ZNF726: variants seen among roughly 807,000 people sequenced by gnomAD.
ZNF726 encodes zinc finger protein 92 pseudogene 3.
In ZNF726, 15 loss-of-function variants were observed where a neutral mutation model predicts 11.6. That is an observed-to-expected ratio of 1.29 (90% CI 0.86 to 1.99). The LOEUF is 1.99. Among genes scored for constraint, ZNF726 ranks in the 30% most tolerant of loss-of-function variants. The pLI is 0.00. For missense variants in ZNF726, 890 were observed against 725.6 expected, an observed-to-expected ratio of 1.23 and a Z score of -2.60; for synonymous variants, 295 against 243.6, an observed-to-expected ratio of 1.21 and a Z score of -1.96.
chr19:23,938,600 T>C (rs1179781374), downstream of ZNF726, among the ~76,000 whole-genome samples: 4 of 147,214 alleles, frequency 2.7e-5, no homozygotes, highest in African/African-American at 1.0e-4. Context: ...TTTTTTTTTC[T>C]TTTTTTTTTC....
chr19:23,921,700 A>G (rs777565324), intron 3 of ZNF726, among the ~76,000 whole-genome samples: 4 of 152,146 alleles, frequency 2.6e-5, no homozygotes, highest in Non-Finnish European at 5.9e-5. Context: ...GTATGGAATG[A>G]TAACTTATAA....
rs1191205599 is a variant in ZNF726, at chr19:23,933,919, A to G, written c.1803A>G (p.Ser601=). The G allele has an allele frequency of 6.3e-7, 1 of 1,585,928 alleles. No homozygotes were observed. The highest frequency in any genetic ancestry group is 8.6e-7 in the Non-Finnish European group (1 of 1,165,820). ...KPYKCDECGK[S]FIWSSTLFKH... is the part of the protein sequence containing the mutation. ...ACAAGTGTGACGAATGTGGCAAATC[A>G]TTTATCTGGTCCTCAACCCTTTTTA... The change falls in exon 4 of 4, where the codon TCA becomes TCG. Residue 601 remains serine, a synonymous_variant. Coordinates refer to ENST00000594466, the MANE Select transcript of ZNF726 (RefSeq NM_001244038.2).
At chr19:23,923,409 A>ATTTTTTT in intron 3 of ZNF726, 4 of 334,378 alleles carry the variant, frequency 1.2e-5, no homozygotes, top group South Asian at 4.4e-5. Context: ...GATGCCAGTA[A>ATTTTTTT]TTTTTTTTTT....
At chr19:23,915,060 C>T (rs1234187046) in intron 1 of ZNF726, 63 bp downstream of exon 1, 5 of 1,611,862 alleles carry the variant, frequency 3.1e-6, no homozygotes, top group South Asian at 1.1e-5. Flanking sequence ...CGGTGGGAAG[C>T]GGCAGTGGCG....
At chr19:23,944,579 C>T (rs1206220691) in intron 4 of ZNF726, 1 of 154,356 alleles carries the variant, frequency 6.5e-6, no homozygotes, top group East Asian at 1.9e-4. Context: ...CATTTTGGCA[C>T]ATAGTTTGCA....
intron 3 of ZNF726, among the ~76,000 whole-genome samples, chr19:23,931,912 G>A (rs907460392): frequency 6.6e-6 from 1 of 152,098 alleles, no homozygotes; most frequent in Non-Finnish European, 1.5e-5. Context: ...TGTCATGAGA[G>A]ACAGAAAACA....
chr19:23,916,027 CT>C (rs538161411), intron 1 of ZNF726, among the ~76,000 whole-genome samples: 11 of 151,280 alleles, frequency 7.3e-5, no homozygotes, highest in Middle Eastern at 3.2e-3. Flanking sequence ...TGAGTTTAGA[CT>C]TTTTTTTTAG....
At chr19:23,941,660 G>T (rs1002386175) in intron 3 of ZNF726, among the ~76,000 whole-genome samples, 2 of 151,878 alleles carry the variant, frequency 1.3e-5, no homozygotes, top group African/African-American at 2.4e-5. Context: ...TTTTTTATTG[G>T]TCTGTTCAGG....
chr19:23,925,554 A>G (rs1310284731), intron 3 of ZNF726, among the ~76,000 whole-genome samples: 1 of 152,086 alleles, frequency 6.6e-6, no homozygotes, highest in Non-Finnish European at 1.5e-5. Flanking sequence ...GATAGTGGCC[A>G]TTTAAATGAG....
chr19:23,933,733 T>C lies in ZNF726; in HGVS notation c.1617T>C (p.Cys539=). 6.2e-7 allele frequency: 1 copy of C among 1,612,276 alleles called. No individual in the cohort carries two copies. The change falls in exon 4 of 4, where the codon TGT becomes TGC. Residue 539 remains cysteine, a synonymous_variant. Coordinates refer to ENST00000594466, the MANE Select transcript of ZNF726 (RefSeq NM_001244038.2). ...ACACTGGAGAGAAACCCTACAAATG[T>C]GAAGAATGTGGCAAAACTTTTAATC... ...RIHTGEKPYK[C]EECGKTFNQS...
rs534383671 is a variant in ZNF726, at chr19:23,919,513, T to C, written c.130+14T>C. 51 of 1,567,666 alleles carry C rather than the reference T, an allele frequency of 3.3e-5. 1 individual carries two copies. The South Asian group carries it at 6.0e-4, about 18-fold the overall frequency. On this transcript the variant is annotated intron_variant, in intron 2 of 3. Transcript: ENST00000594466. ...TGGCCTTCCTGGGTGAGGATAACTT[T>C]AATACAAAATTTTTAATATAAACTA...
chr19:23,937,277 G>A (rs998831082), downstream of ZNF726, among the ~76,000 whole-genome samples: 23 of 151,028 alleles, frequency 1.5e-4, no homozygotes, highest in South Asian at 3.1e-3. Flanking sequence ...CTGGCCGGGC[G>A]GGGGGCTGAC....
chr19:23,942,649 G>A (rs1490117144), intron 3 of ZNF726, among the ~76,000 whole-genome samples: 2 of 152,094 alleles, frequency 1.3e-5, no homozygotes, highest in Non-Finnish European at 2.9e-5. Context: ...TCCAGTGTTA[G>A]GTGCATATAT....
intron 3 of ZNF726, among the ~76,000 whole-genome samples, chr19:23,922,827 G>C (rs982411210): frequency 6.6e-6 from 1 of 152,084 alleles, no homozygotes; most frequent in African/African-American, 2.4e-5. Flanking sequence ...TTCATTACAG[G>C]TGTGAACCAT....
At position 23,914,906 on chromosome 19, in the gene ZNF726, C is replaced by T. The variant is rs1967657017; in HGVS notation, c.-89C>T. On this transcript the variant is annotated 5_prime_UTR_variant, in exon 1 of 4. Coordinates refer to ENST00000594466, the MANE Select transcript of ZNF726 (RefSeq NM_001244038.2). ...CCTTTGTCTCTATCTGCGGCCGGAG[C>T]TCCAGGTCTCGTCCTCACTACTCTG... 1.9e-6 allele frequency: 3 copies of T among 1,583,270 alleles called. No individual in the cohort carries two copies. Among genetic ancestry groups the T allele is most frequent in the Non-Finnish European group, 2.6e-6 (3 of 1,161,090 alleles).
intron 1 of ZNF726, 107 bp downstream of exon 1, chr19:23,915,104 C>T (rs751972832): frequency 2.0e-5 from 31 of 1,552,498 alleles, no homozygotes; most frequent in Non-Finnish European, 2.7e-5. Context: ...GTTTTACAAT[C>T]TGCGCCCGAG....
At position 23,929,458 on chromosome 19, in the gene ZNF726, C is replaced by T. The variant is rs144465818; in HGVS notation, c.227-2885C>T. 2.6e-3 allele frequency among the ~76,000 whole-genome samples: 393 copies of T among 152,242 alleles called. 1 individual carries two copies. Among genetic ancestry groups the T allele is most frequent in the African/African-American group, 8.8e-3 (366 of 41,534 alleles). On this transcript the variant is annotated intron_variant, in intron 3 of 3. Transcript: ENST00000594466. ...ACATGGTGGCAGACAAGAGAGGGAGCTTGTGCAGGAAAACTCTGCCTTATA... is the reference window on the plus strand; with the variant it reads ...ACATGGTGGCAGACAAGAGAGGGAGTTTGTGCAGGAAAACTCTGCCTTATA...
chr19:23,933,954 G>A lies in ZNF726; in HGVS notation c.1838G>A (p.Arg613Lys), dbSNP rs1968181136. Reference sequence around the variant, plus strand: ...TCCTCAACCCTTTTTAAGCATAAGAGGATTCATACTTGAGAGAAACCTTAA... The same window carrying A: ...TCCTCAACCCTTTTTAAGCATAAGAAGATTCATACTTGAGAGAAACCTTAA... ...IWSSTLFKHK[R>K]IHT Residue 613 changes from arginine to lysine, a missense_variant, in exon 4 of 4, where the codon AGG (arginine) becomes AAG (lysine). Transcript: ENST00000594466. The A allele has an allele frequency of 6.3e-7, 1 of 1,575,466 alleles. No homozygotes were observed. Among genetic ancestry groups the A allele is most frequent in the African/African-American group, 1.4e-5 (1 of 73,018 alleles).
chr19:23,916,125 C>T (rs1467449820), intron 1 of ZNF726, among the ~76,000 whole-genome samples: 1 of 152,086 alleles, frequency 6.6e-6, no homozygotes, highest in African/African-American at 2.4e-5. Flanking sequence ...TGATTTTTTC[C>T]CTGAATTTTT....
Sources: allele counts gnomAD v4.1 joint callset (sites outside exome capture counted in the v4.1 genomes callset), GRCh38; gene constraint gnomAD v4.1.1; transcripts MANE v1.5; gene names NCBI Gene and HGNC (gene_info 2026-07-23, HGNC 2026-07-21).